The following TMEM191C variants were observed in gnomAD, a reference collection of about 807,000 sequenced individuals.
The protein encoded by TMEM191C is transmembrane protein 191C.
A neutral mutation model predicts 37.1 loss-of-function variants in TMEM191C; 26 were observed. That is an observed-to-expected ratio of 0.70 (90% CI 0.51 to 0.97). The LOEUF (loss-of-function observed/expected upper bound fraction) is 0.97. TMEM191C is among the 50% of genes least tolerant of loss of function. The pLI, the probability that TMEM191C is intolerant of heterozygous loss-of-function variation, is 0.00. For synonymous variants in TMEM191C, 115 were observed against 143.7 expected (o/e 0.80, Z 1.43); for missense variants, 240 against 294.7 (o/e 0.81, Z 1.36).
At position 21,469,365 on chromosome 22, in the gene TMEM191C, C is replaced by G; in HGVS notation, c.663+19C>G. The G allele has an allele frequency of 7.9e-7, 1 of 1,263,238 alleles. No individual in the cohort carries two copies. The highest frequency in any genetic ancestry group is 1.0e-6 in the Non-Finnish European group (1 of 995,602). The allele number at this position is 1,263,238 out of a possible 1,614,324, so 78.3% of individuals were successfully genotyped here. ...GGACCGAGTGAGCGCCTGCGCGGGT[C>G]CGGGCGGGGTGGGCTGGAGCGGGAC... On this transcript the variant is annotated intron_variant, in intron 8 of 9. Coordinates refer to ENST00000536718, the MANE Select transcript of TMEM191C (RefSeq NM_001388354.1).
rs1174645153 is a variant in TMEM191C at position 21,469,633 on chromosome 22, G to C, written c.721G>C (p.Ala241Pro). 2 of 1,484,240 alleles carry C rather than the reference G, an allele frequency of 1.3e-6. No individual in the cohort carries two copies. The highest frequency in any genetic ancestry group is 1.8e-6 in the Non-Finnish European group (2 of 1,126,168). The allele number at this position is 1,484,240 out of a possible 1,614,324, so 91.9% of individuals were successfully genotyped here. ...ALAIRRCVLG[A>P]LQVLLTLPLL... ...GCCCCGCAGGCGGTGCGTGCTGGGC[G>C]CGCTGCAGGTGCTGCTGACGCTGCC... is the stretch of plus-strand genomic sequence containing the variant. The change falls in exon 10 of 10, where the codon GCG becomes CCG. Residue 241 changes from alanine to proline, a missense_variant. Ala to Pro is a conservative substitution (Grantham distance 27). Around this residue, in one of 3 missense-constraint regions of TMEM191C, gnomAD observed 76 missense variants for 100.0 expected, o/e 0.76. Transcript: ENST00000536718.
In TMEM191C at chr22:21,469,708, G is replaced by A. The variant is rs1924674438; in HGVS notation, c.796G>A (p.Gly266Ser). Residue 266 changes from glycine to serine, a missense_variant, in exon 10 of 10, where the codon GGC (glycine) becomes AGC (serine). Around this residue, in one of 3 missense-constraint regions of TMEM191C, gnomAD observed 76 missense variants for 100.0 expected, o/e 0.76. Transcript: ENST00000536718. ...SLLWTVLLDP[G>S]AVSAWLWSLT... is the part of the protein sequence containing the mutation. ...GCTCTGGACGGTGCTGTTGGACCCC[G>A]GCGCCGTCTCCGCGTGGCTCTGGAG... The A allele has an allele frequency of 8.5e-6, 13 of 1,526,544 alleles. No homozygotes were observed. The highest frequency in any genetic ancestry group is 9.6e-6 in the Non-Finnish European group (11 of 1,143,288). The allele number at this position is 1,526,544 out of a possible 1,614,324, so 94.6% of individuals were successfully genotyped here.
Position 21,468,374 on chromosome 22 carries a change from A to C in TMEM191C, c.351A>C (p.Glu117Asp), listed in dbSNP as rs1161188004. Residue 117 changes from glutamate (E) to aspartate (D), a missense_variant, in exon 4 of 10, where the codon GAA becomes GAC. Physicochemically the swap from Glu to Asp is conservative, Grantham distance 45 (BLOSUM62 2). This residue lies in a region of TMEM191C where 130 missense variants were observed against 105.7 expected (regional missense o/e 1.23). Transcript: ENST00000536718. ...LSSQLFYYGGELQSQKSTEQQ... is the reference protein window; with the variant it reads ...LSSQLFYYGGDLQSQKSTEQQ... Reference sequence around the variant, plus strand: ...CCTAGCTCTTCTACTACGGAGGGGAACTGCAGAGCCAGAAGAGCACGGAGC... The same window carrying C: ...CCTAGCTCTTCTACTACGGAGGGGACCTGCAGAGCCAGAAGAGCACGGAGC... The C allele has an allele frequency of 6.5e-7, 1 of 1,535,084 alleles. No homozygotes were observed. Among genetic ancestry groups the C allele is most frequent in the South Asian group, 1.2e-5 (1 of 84,008 alleles).
Position 21,468,353 on chromosome 22 carries a change from G to C in TMEM191C, c.331-1G>C, listed in dbSNP as rs1367163052. 2 of 1,535,314 alleles carry C rather than the reference G, an allele frequency of 1.3e-6. No individual in the cohort carries two copies. Among genetic ancestry groups the C allele is most frequent in the African/African-American group, 2.7e-5 (2 of 72,980 alleles). On this transcript the variant is annotated splice_acceptor_variant, in intron 3 of 9. Coordinates refer to ENST00000536718, the MANE Select transcript of TMEM191C (RefSeq NM_001388354.1). LOFTEE classifies it high-confidence loss of function. ...CCCGCCCTTACAAGCCCCGCCCCTA[G>C]CTCTTCTACTACGGAGGGGAACTGC... is the stretch of plus-strand genomic sequence containing the variant.
Position 21,468,016 on chromosome 22 carries a change from T to A in TMEM191C, c.278T>A (p.Leu93Ter). Reference sequence around the variant, plus strand: ...GAGGCGGAGCGCCACAAGGAGTACTTGGTGAGGAAGAGTCCTGGAATGGGG... The same window carrying A: ...GAGGCGGAGCGCCACAAGGAGTACTAGGTGAGGAAGAGTCCTGGAATGGGG... ...LEEAERHKEY[L>*]EQHSRQLQEQ... Residue 93 changes from leucine (L) to a stop codon, truncating the protein, a stop_gained and splice_region_variant, in exon 2 of 10, where the codon TTG (leucine) becomes TAG (stop). Transcript: ENST00000536718. LOFTEE classifies it high-confidence loss of function. 1 of 522,464 alleles carries A rather than the reference T, an allele frequency of 1.9e-6. No homozygotes were observed. Among genetic ancestry groups the A allele is most frequent in the Non-Finnish European group, 3.3e-6 (1 of 299,344 alleles). 32.4% of individuals were successfully genotyped at this position (522,464 alleles called of 1,614,324 possible).
Position 21,468,143 on chromosome 22 carries a change from C to T in TMEM191C, c.280-9C>T, listed in dbSNP as rs774944990. 5.5e-4 allele frequency: 825 copies of T among 1,503,654 alleles called. 4 individuals carry two copies. Among genetic ancestry groups the T allele is most frequent in the African/African-American group, 4.0e-3 (264 of 65,284 alleles). 93.1% of individuals were successfully genotyped at this position (1,503,654 alleles called of 1,614,324 possible). A position where few individuals can be genotyped will look rare whatever the true frequency, so the allele number is the denominator to read the frequency against. ...AGAGGTCGGCACCGCCCCAGGACCCCGTCCGCAGGAGCAGCACAGCAGGCA... is the reference window on the plus strand; with the variant it reads ...AGAGGTCGGCACCGCCCCAGGACCCTGTCCGCAGGAGCAGCACAGCAGGCA... On this transcript the variant is annotated splice_polypyrimidine_tract_variant and intron_variant, in intron 2 of 9. Coordinates refer to ENST00000536718, the MANE Select transcript of TMEM191C (RefSeq NM_001388354.1).
rs1924671718 is a variant in TMEM191C, at chr22:21,469,662, C to T, written c.750C>T (p.Leu250=). ...TGCAGGTGCTGCTGACGCTGCCGCTCCTCTTCCTGGGGCTGTCGCTGCTCT... is the reference window on the plus strand; with the variant it reads ...TGCAGGTGCTGCTGACGCTGCCGCTTCTCTTCCTGGGGCTGTCGCTGCTCT... The part of the protein sequence containing the change: ...GALQVLLTLP[L]LFLGLSLLWT... Residue 250 remains leucine, a synonymous_variant, in exon 10 of 10, where the codon CTC becomes CTT. Transcript: ENST00000536718. The T allele has an allele frequency of 2.0e-6, 3 of 1,488,142 alleles. No individual in the cohort carries two copies. The allele number at this position is 1,488,142 out of a possible 1,614,324, so 92.2% of individuals were successfully genotyped here.
At chr22:21,468,226 C>G (rs1312360636) in intron 3 of TMEM191C, 24 bp downstream of exon 3, 1 of 1,530,954 alleles carries the variant, frequency 6.5e-7, no homozygotes, top group African/African-American at 1.4e-5. Context: ...ATGGGAGGGC[C>G]TGTCTCTTGG....
rs779758477 is a variant in TMEM191C at position 21,469,620 on chromosome 22, G to C, written c.708G>C (p.Arg236=). 4 of 1,480,826 alleles carry C rather than the reference G, an allele frequency of 2.7e-6. No individual in the cohort carries two copies. The highest frequency in any genetic ancestry group is 3.6e-6 in the Non-Finnish European group (4 of 1,124,830). 91.7% of individuals were successfully genotyped at this position (1,480,826 alleles called of 1,614,324 possible). ...FGGPRALAIR[R]CVLGALQVLL... ...CTGCCCGCCTTTCGCCCCGCAGGCG[G>C]TGCGTGCTGGGCGCGCTGCAGGTGC... Residue 236 remains arginine, a synonymous_variant, in exon 10 of 10, where the codon CGG becomes CGC. Coordinates refer to ENST00000536718, the MANE Select transcript of TMEM191C (RefSeq NM_001388354.1).
rs1444867817 is a variant in TMEM191C, at chr22:21,468,384, C to T, written c.361C>T (p.Gln121Ter). ...CTACTACGGAGGGGAACTGCAGAGCCAGAAGAGCACGGAGCAGCAACTCGC... is the reference window on the plus strand; with the variant it reads ...CTACTACGGAGGGGAACTGCAGAGCTAGAAGAGCACGGAGCAGCAACTCGC... ...LFYYGGELQS[Q>*]KSTEQQLAAQ... is the part of the protein sequence containing the mutation. The change falls in exon 4 of 10, where the codon CAG (glutamine) becomes TAG (stop). Residue 121 changes from glutamine (Q) to a stop codon, truncating the protein, a stop_gained. Coordinates refer to ENST00000536718, the MANE Select transcript of TMEM191C (RefSeq NM_001388354.1). LOFTEE classifies it high-confidence loss of function. 6.5e-7 allele frequency: 1 copy of T among 1,534,664 alleles called. No individual in the cohort carries two copies. The highest frequency in any genetic ancestry group is 8.7e-7 in the Non-Finnish European group (1 of 1,146,636).
chr22:21,469,649 T>G lies in TMEM191C; in HGVS notation c.737T>G (p.Leu246Arg). ...GTGCTGGGCGCGCTGCAGGTGCTGC[T>G]GACGCTGCCGCTCCTCTTCCTGGGG... ...RCVLGALQVL[L>R]TLPLLFLGLS... The change falls in exon 10 of 10, where the codon CTG becomes CGG. Residue 246 changes from leucine to arginine, a missense_variant. Physicochemically the swap from Leu to Arg is moderately radical, Grantham distance 102 (BLOSUM62 -2). Transcript: ENST00000536718. 6.7e-7 allele frequency: 1 copy of G among 1,485,910 alleles called. No homozygotes were observed. The highest frequency in any genetic ancestry group is 1.3e-5 in the South Asian group (1 of 79,062). 92.0% of individuals were successfully genotyped at this position (1,485,910 alleles called of 1,614,324 possible). A position where few individuals can be genotyped will look rare whatever the true frequency, so the allele number is the denominator to read the frequency against.
chr22:21,468,559 G>A, intron 4 of TMEM191C, 128 bp downstream of exon 4: 4 of 691,534 alleles, frequency 5.8e-6, no homozygotes, highest in Non-Finnish European at 8.9e-6. Flanking sequence ...TGTGGGCGGA[G>A]CACAATCGCA....
chr22:21,468,218 G>T lies in TMEM191C; in HGVS notation c.330+16G>T. 2 of 1,530,030 alleles carry T rather than the reference G, an allele frequency of 1.3e-6. No individual in the cohort carries two copies. The highest frequency in any genetic ancestry group is 1.7e-6 in the Non-Finnish European group (2 of 1,145,270). 94.8% of individuals were successfully genotyped at this position (1,530,030 alleles called of 1,614,324 possible). A position where few individuals can be genotyped will look rare whatever the true frequency, so the allele number is the denominator to read the frequency against. On this transcript the variant is annotated intron_variant, in intron 3 of 9. Transcript: ENST00000536718. Reference sequence around the variant, plus strand: ...GTCGAGTCAGGTACGTGCAGGAGATGGGAGGGCCTGTCTCTTGGTTCCTCT... The same window carrying T: ...GTCGAGTCAGGTACGTGCAGGAGATTGGAGGGCCTGTCTCTTGGTTCCTCT...
rs1450362487 is a variant in TMEM191C, at chr22:21,467,894, C to T, written c.156C>T (p.Ser52=). Residue 52 remains serine, a splice_region_variant and synonymous_variant, in exon 2 of 10, where the codon AGC becomes AGT. Coordinates refer to ENST00000536718, the MANE Select transcript of TMEM191C (RefSeq NM_001388354.1). The part of the protein sequence containing the change: ...RLQDLSERER[S]LLRRRSQAAQ... ...CGCCAACCTCAGTTTCCCTCTGCAGCCTGCTGCGGAGGCGAAGCCAGGCAG... is the reference window on the plus strand; with the variant it reads ...CGCCAACCTCAGTTTCCCTCTGCAGTCTGCTGCGGAGGCGAAGCCAGGCAG... The T allele has an allele frequency of 4.9e-6, 3 of 612,724 alleles. No homozygotes were observed. Among genetic ancestry groups the T allele is most frequent in the Non-Finnish European group, 8.1e-6 (3 of 372,496 alleles). 38.0% of individuals were successfully genotyped at this position (612,724 alleles called of 1,614,324 possible). A position where few individuals can be genotyped will look rare whatever the true frequency, so the allele number is the denominator to read the frequency against.
Position 21,469,665 on chromosome 22 carries a change from C to T in TMEM191C, c.753C>T (p.Leu251=), listed in dbSNP as rs1323979070. 3 of 1,490,472 alleles carry T rather than the reference C, an allele frequency of 2.0e-6. No homozygotes were observed. Among genetic ancestry groups the T allele is most frequent in the Non-Finnish European group, 2.7e-6 (3 of 1,128,282 alleles). The allele number at this position is 1,490,472 out of a possible 1,614,324, so 92.3% of individuals were successfully genotyped here. A position where few individuals can be genotyped will look rare whatever the true frequency, so the allele number is the denominator to read the frequency against. ...AGGTGCTGCTGACGCTGCCGCTCCT[C>T]TTCCTGGGGCTGTCGCTGCTCTGGA... ...ALQVLLTLPL[L]FLGLSLLWTV... The change falls in exon 10 of 10, where the codon CTC becomes CTT. Residue 251 remains leucine (L), a synonymous_variant. Transcript: ENST00000536718.
In TMEM191C at chr22:21,468,009, G is replaced by A; in HGVS notation, c.271G>A (p.Glu91Lys). The A allele has an allele frequency of 1.9e-6, 1 of 529,500 alleles. No individual in the cohort carries two copies. The highest frequency in any genetic ancestry group is 3.3e-6 in the Non-Finnish European group (1 of 301,688). The allele number at this position is 529,500 out of a possible 1,614,324, so 32.8% of individuals were successfully genotyped here. ...ACTGGAGGAGGCGGAGCGCCACAAG[G>A]AGTACTTGGTGAGGAAGAGTCCTGG... ...RRLEEAERHK[E>K]YLEQHSRQLQ... The change falls in exon 2 of 10, where the codon GAG becomes AAG. Residue 91 changes from glutamate (E) to lysine (K), a missense_variant. This residue lies in a region of TMEM191C where 130 missense variants were observed against 105.7 expected (regional missense o/e 1.23). Transcript: ENST00000536718.
At position 21,467,570 on chromosome 22, in the gene TMEM191C, G is replaced by C; in HGVS notation, c.111G>C (p.Glu37Asp). 6.5e-7 allele frequency: 1 copy of C among 1,529,564 alleles called. No individual in the cohort carries two copies. The highest frequency in any genetic ancestry group is 8.7e-7 in the Non-Finnish European group (1 of 1,144,958). 94.7% of individuals were successfully genotyped at this position (1,529,564 alleles called of 1,614,324 possible). A position where few individuals can be genotyped will look rare whatever the true frequency, so the allele number is the denominator to read the frequency against. ...KLMRGLEAES[E>D]SLNQRLQDLS... is the part of the protein sequence containing the mutation. The stretch of plus-strand genomic sequence containing the variant: ...TGCGCGGGCTCGAGGCCGAGAGCGA[G>C]AGCCTCAACCAGCGCCTGCAGGACC... Residue 37 changes from glutamate to aspartate, a missense_variant, in exon 1 of 10, where the codon GAG becomes GAC. By Grantham distance (45) the Glu-to-Asp change is conservative. Around this residue, in one of 3 missense-constraint regions of TMEM191C, gnomAD observed 130 missense variants for 105.7 expected, o/e 1.23. Coordinates refer to ENST00000536718, the MANE Select transcript of TMEM191C (RefSeq NM_001388354.1).
In TMEM191C at chr22:21,467,550, G is replaced by A; in HGVS notation, c.91G>A (p.Gly31Arg). 1.4e-6 allele frequency: 2 copies of A among 1,475,528 alleles called. No individual in the cohort carries two copies. Among genetic ancestry groups the A allele is most frequent in the South Asian group, 1.3e-5 (1 of 78,154 alleles). The allele number at this position is 1,475,528 out of a possible 1,614,324, so 91.4% of individuals were successfully genotyped here. ...RKQELEKLMR[G>R]LEAESESLNQ... ...GCAGGAGCTAGAGAAGCTGATGCGC[G>A]GGCTCGAGGCCGAGAGCGAGAGCCT... Residue 31 changes from glycine to arginine, a missense_variant, in exon 1 of 10, where the codon GGG becomes AGG. Gly to Arg is a moderately radical substitution (Grantham distance 125). Coordinates refer to ENST00000536718, the MANE Select transcript of TMEM191C (RefSeq NM_001388354.1).
chr22:21,468,428 G>A lies in TMEM191C; in HGVS notation c.405G>A (p.Leu135=), dbSNP rs1185329794. 1.5e-5 allele frequency: 23 copies of A among 1,527,256 alleles called. No individual in the cohort carries two copies. Among genetic ancestry groups the A allele is most frequent in the Non-Finnish European group, 2.0e-5 (23 of 1,143,214 alleles). 94.6% of individuals were successfully genotyped at this position (1,527,256 alleles called of 1,614,324 possible). The change falls in exon 4 of 10, where the codon CTG becomes CTA. Residue 135 remains leucine (L), a synonymous_variant. Coordinates refer to ENST00000536718, the MANE Select transcript of TMEM191C (RefSeq NM_001388354.1). ...AACTCGCAGCCCAATTGGTGACGCT[G>A]CAGGTGCTTGAGCGGGACCCTGAGG... is the stretch of plus-strand genomic sequence containing the variant. ...EQQLAAQLVT[L]QNELELAETK... is the part of the protein sequence containing the mutation.
Sources: gnomAD v4.1 joint callset for allele counts on GRCh38, gnomAD v4.1.1 for gene constraint, gnomAD v4.1.1 regional missense constraint, MANE v1.5 for transcripts, NCBI Gene and HGNC (gene_info 2026-07-23, HGNC 2026-07-21) for gene names.